SPATA17: variants seen among roughly 807,000 people sequenced by gnomAD.
SPATA17 encodes spermatogenesis-associated protein 17.
In SPATA17, 53 loss-of-function variants were observed where a neutral mutation model predicts 62.2. That is an observed-to-expected ratio of 0.85 (90% CI 0.68 to 1.07). SPATA17 has a LOEUF of 1.07. Among genes scored for constraint, SPATA17 ranks in the 50% least tolerant of loss-of-function variants. The pLI is 0.00. For synonymous variants in SPATA17, 146 were observed against 146.8 expected, an observed-to-expected ratio of 0.99 and a Z score of 0.04; for missense variants, 466 against 425.5, an observed-to-expected ratio of 1.10 and a Z score of -0.84.
intron 1 of SPATA17, among the ~76,000 whole-genome samples, chr1:217,637,355 G>A (rs1669964572): frequency 6.6e-6 from 1 of 152,092 alleles, no homozygotes; most frequent in Non-Finnish European, 1.5e-5. Context: ...ACCTGGGAGA[G>A]GGGGATCTTT....
chr1:217,829,335 ATAC>A (rs1298679112), intron 9 of SPATA17, among the ~76,000 whole-genome samples: 1 of 152,098 alleles, frequency 6.6e-6, no homozygotes, highest in Non-Finnish European at 1.5e-5. Flanking sequence ...CAGAAAGAAA[ATAC>A]TGCATTCGGT....
chr1:217,662,368 G>A (rs1670590481), intron 3 of SPATA17, among the ~76,000 whole-genome samples: 1 of 151,888 alleles, frequency 6.6e-6, no homozygotes, highest in Admixed American at 6.6e-5. Flanking sequence ...CATATGTATG[G>A]CAACCACATT....
chr1:217,722,278 GA>G (rs1321992745), intron 5 of SPATA17, among the ~76,000 whole-genome samples: 1 of 151,798 alleles, frequency 6.6e-6, no homozygotes, highest in Non-Finnish European at 1.5e-5. Flanking sequence ...AATGGTTTTG[GA>G]AAAAAGAACA....
rs1031360785 is a variant in SPATA17, at chr1:217,868,679, T to G, written c.*1660T>G. 3.4e-5 allele frequency: 5 copies of G among 148,894 alleles called. No individual in the cohort carries two copies. Among genetic ancestry groups the G allele is most frequent in the East Asian group, 2.0e-4 (1 of 5,070 alleles). The allele number at this position is 148,894 out of a possible 1,614,324, so 9.2% of individuals were successfully genotyped here. A position where few individuals can be genotyped will look rare whatever the true frequency, so the allele number is the denominator to read the frequency against. On this transcript the variant is annotated 3_prime_UTR_variant, in exon 11 of 11. Coordinates refer to ENST00000366933, the MANE Select transcript of SPATA17 (RefSeq NM_138796.4). ...CTGAGACAATGTTTTTTTTTTTTTT[T>G]TTTTTTTTTTTAATTTCTGAGACAG...
chr1:217,782,131 A>G, intron 7 of SPATA17, 43 bp from the exon 8 acceptor site: 1 of 1,521,128 alleles, frequency 6.6e-7, no homozygotes, highest in Non-Finnish European at 8.8e-7. Flanking sequence ...ATACCTCAAA[A>G]AAATCTTCCA....
intron 5 of SPATA17, among the ~76,000 whole-genome samples, chr1:217,720,446 T>C (rs1287057943): frequency 6.6e-6 from 1 of 151,940 alleles, no homozygotes; most frequent in Admixed American, 6.6e-5. Context: ...TCTTCTTCCA[T>C]TTTTTTTCTT....
At chr1:217,850,300 A>G in intron 9 of SPATA17, 1 of 461,114 alleles carries the variant, frequency 2.2e-6, no homozygotes, top group South Asian at 3.1e-5. Context: ...GAACAGGTTC[A>G]ACTATTACTG....
intron 3 of SPATA17, among the ~76,000 whole-genome samples, chr1:217,652,564 A>G (rs1670343982): frequency 6.6e-6 from 1 of 151,600 alleles, no homozygotes; most frequent in Admixed American, 6.6e-5. Flanking sequence ...TCCTGTCTTG[A>G]TTTTGGTTAA....
At chr1:217,707,190 T>C (rs1179884305) in intron 5 of SPATA17, among the ~76,000 whole-genome samples, 1 of 152,166 alleles carries the variant, frequency 6.6e-6, no homozygotes, top group African/African-American at 2.4e-5. Flanking sequence ...TTTGTGGCTA[T>C]TGTTAATGGC....
chr1:217,728,168 T>C (rs930477703), intron 5 of SPATA17, among the ~76,000 whole-genome samples: 1 of 152,100 alleles, frequency 6.6e-6, no homozygotes, highest in African/African-American at 2.4e-5. Flanking sequence ...ACAGAGGTAA[T>C]GGAAGAAATA....
intron 1 of SPATA17, among the ~76,000 whole-genome samples, chr1:217,645,633 C>A (rs1670163709): frequency 6.6e-6 from 1 of 152,046 alleles, no homozygotes; most frequent in African/African-American, 2.4e-5. Context: ...AATTTTATTG[C>A]ACATTAGCTT....
rs183950426 is a variant in SPATA17, at chr1:217,710,355, T to C, written c.395+26994T>C. Among the ~76,000 whole-genome samples, 381 of 152,252 alleles carry C rather than the reference T, an allele frequency of 2.5e-3. 1 individual carries two copies. Among genetic ancestry groups the C allele is most frequent in the Non-Finnish European group, 4.2e-3 (287 of 68,000 alleles). ...ACTACAGAGTTACAGATTGGTAGCA[T>C]TAATAAAACATTATTAGCTTGGAGT... On this transcript the variant is annotated intron_variant, in intron 5 of 10. Coordinates refer to ENST00000366933, the MANE Select transcript of SPATA17 (RefSeq NM_138796.4).
intron 5 of SPATA17, among the ~76,000 whole-genome samples, chr1:217,723,062 G>T (rs555018302): frequency 2.6e-5 from 4 of 152,266 alleles, no homozygotes; most frequent in African/African-American, 9.6e-5. Context: ...GACCCAGGAC[G>T]TATTAGCATC....
At chr1:217,772,239 C>G (rs1252263226) in intron 6 of SPATA17, among the ~76,000 whole-genome samples, 1 of 151,918 alleles carries the variant, frequency 6.6e-6, no homozygotes, top group Non-Finnish European at 1.5e-5. Flanking sequence ...GTGTATTTAC[C>G]TTGTCTATAT....
At chr1:217,786,351 G>T (rs977703228) in intron 8 of SPATA17, among the ~76,000 whole-genome samples, 1 of 152,246 alleles carries the variant, frequency 6.6e-6, no homozygotes, top group East Asian at 1.9e-4. Context: ...ATAAGGAACT[G>T]AGTTGGATCC....
intron 9 of SPATA17, among the ~76,000 whole-genome samples, chr1:217,838,988 T>C (rs1675327570): frequency 6.6e-6 from 1 of 152,074 alleles, no homozygotes; most frequent in Non-Finnish European, 1.5e-5. Flanking sequence ...TTAGAGGCTA[T>C]TTAAAAATTC....
rs1571723000 is a variant in SPATA17 at position 217,675,298 on chromosome 1, T to G, written c.291+6215T>G. Among the ~76,000 whole-genome samples the G allele has an allele frequency of 2.0e-5, 3 of 152,326 alleles. No homozygotes were observed. The East Asian group carries it at 5.8e-4, about 29-fold the overall frequency. On this transcript the variant is annotated intron_variant, in intron 4 of 10. Coordinates refer to ENST00000366933, the MANE Select transcript of SPATA17 (RefSeq NM_138796.4). Reference sequence around the variant, plus strand: ...AAATTCAGTTTTCAGCTGAATGCCCTGCAATTCTCCTAAAACATAGTTGTT... The same window carrying G: ...AAATTCAGTTTTCAGCTGAATGCCCGGCAATTCTCCTAAAACATAGTTGTT...
At chr1:217,717,535 C>G (rs1331131971) in intron 5 of SPATA17, among the ~76,000 whole-genome samples, 2 of 152,184 alleles carry the variant, frequency 1.3e-5, no homozygotes, top group East Asian at 3.9e-4. Flanking sequence ...TGCTTGAACC[C>G]AGGAGGCAGA....
chr1:217,725,635 G>A (rs1426284456), intron 5 of SPATA17, among the ~76,000 whole-genome samples: 2 of 152,042 alleles, frequency 1.3e-5, no homozygotes, highest in Admixed American at 1.3e-4. Context: ...GCTAATTTTT[G>A]TATTTTTAGT....
Sources: gnomAD v4.1 joint callset for allele counts (sites outside exome capture counted in the v4.1 genomes callset) on GRCh38, gnomAD v4.1.1 for gene constraint, MANE v1.5 for transcripts, NCBI Gene and HGNC (gene_info 2026-07-23, HGNC 2026-07-21) for gene names.